The following AGAP3 variants were observed in gnomAD, a reference collection of about 807,000 sequenced individuals.
AGAP3 encodes ArfGAP with GTPase domain, ankyrin repeat and PH domain 3, also known as arf-GAP with GTPase, ANK repeat and PH domain-containing protein 3.
Under a neutral mutation model 96.9 loss-of-function variants are expected in AGAP3, and 24 were observed. The observed-to-expected ratio is 0.25, with a 90% CI of 0.18 to 0.35. AGAP3 has a LOEUF of 0.35. Among genes scored for constraint, AGAP3 ranks in the 10% least tolerant of loss-of-function variants. The pLI, the probability that AGAP3 is intolerant of heterozygous loss-of-function variation, is 1.00. For synonymous variants in AGAP3, 563 were observed against 536.1 expected (o/e 1.05, Z -0.69); for missense variants, 876 against 1,254.2 (o/e 0.70, Z 4.55).
chr7:151,097,691 G>A (rs542349409), intron 1 of AGAP3, among the ~76,000 whole-genome samples: 22 of 151,964 alleles, frequency 1.4e-4, no homozygotes, highest in African/African-American at 4.8e-4. Context: ...AAGTGGGAGC[G>A]ACAGGGAGGG....
At chr7:151,107,621 C>CA (rs544223130) in intron 1 of AGAP3, among the ~76,000 whole-genome samples, 1,572 of 151,522 alleles carry the variant, frequency 0.01, 18 homozygotes, top group African/African-American at 0.032. Flanking sequence ...GAGACCGTCT[C>CA]AAAAAAATTT....
At chr7:151,115,198 C>CGGGCGCGGGTCTGGG in intron 1 of AGAP3, 2 of 1,007,548 alleles carry the variant, frequency 2.0e-6, no homozygotes, top group Non-Finnish European at 2.4e-6. Context: ...GCCGAGGCGC[C>CGGGCGCGGGTCTGGG]GGGCGCGGGT....
chr7:151,101,362 T>C (rs1381743665), intron 1 of AGAP3, among the ~76,000 whole-genome samples: 4 of 152,354 alleles, frequency 2.6e-5, no homozygotes, highest in African/African-American at 9.6e-5. Flanking sequence ...GGTCTCCTTC[T>C]GAGGCGGGTG....
At position 151,123,950 on chromosome 7, in the gene AGAP3, C is replaced by T. The variant is rs1453254176; in HGVS notation, c.1221+64C>T. The T allele has an allele frequency of 4.6e-6, 7 of 1,513,682 alleles. No individual in the cohort carries two copies. In the African/African-American group the frequency reaches 8.2e-5, roughly 18 times the overall value. 93.8% of individuals were successfully genotyped at this position (1,513,682 alleles called of 1,614,324 possible). ...TGAGGCCCAGGAATGTGGCGCTTCCCAGGGCCTCTTCTCAGGCCTCTGTGA... is the reference window on the plus strand; with the variant it reads ...TGAGGCCCAGGAATGTGGCGCTTCCTAGGGCCTCTTCTCAGGCCTCTGTGA... On this transcript the variant is annotated intron_variant, in intron 9 of 17. Coordinates refer to ENST00000397238, the MANE Select transcript of AGAP3 (RefSeq NM_031946.7).
chr7:151,092,029 C>T (rs1315122620), intron 1 of AGAP3, among the ~76,000 whole-genome samples: 3 of 152,014 alleles, frequency 2.0e-5, no homozygotes, highest in Admixed American at 2.0e-4. Context: ...TGGGCAGGAC[C>T]CTGGTGAAGG....
rs1563450285 is a variant in AGAP3, at chr7:151,108,395, C to T, written c.332-8398C>T. 6.6e-6 allele frequency among the ~76,000 whole-genome samples: 1 copy of T among 152,196 alleles called. No homozygotes were observed. The highest frequency in any genetic ancestry group is 6.5e-5 in the Admixed American group (1 of 15,290). On this transcript the variant is annotated intron_variant, in intron 1 of 17. Transcript: ENST00000397238. The surrounding 1 kb of genome is among the most constrained non-coding windows in gnomAD (Gnocchi z 4.2). ...CCCTGGGGTAATCTCAGTTTCCCTG[C>T]TCCTTGCACTGCTCTCGGTCCTGTG...
At position 151,120,184 on chromosome 7, in the gene AGAP3, C is replaced by T. The variant is rs1227249159; in HGVS notation, c.1128+39C>T. On this transcript the variant is annotated intron_variant, in intron 8 of 17. Transcript: ENST00000397238. ...CTCCTCCCCCGCCCAGCTGCCTTTG[C>T]TGCACAGGCAGGGCTGAGCGCCGAG... 6 of 1,563,370 alleles carry T rather than the reference C, an allele frequency of 3.8e-6. No individual in the cohort carries two copies. The East Asian group carries it at 9.0e-5, about 24-fold the overall frequency.
At position 151,144,251 on chromosome 7, in the gene AGAP3, C is replaced by A; in HGVS notation, c.*308C>A. 2.5e-6 allele frequency: 1 copy of A among 392,632 alleles called. No individual in the cohort carries two copies. Among genetic ancestry groups the A allele is most frequent in the Non-Finnish European group, 4.6e-6 (1 of 216,464 alleles). 24.3% of individuals were successfully genotyped at this position (392,632 alleles called of 1,614,324 possible). A position where few individuals can be genotyped will look rare whatever the true frequency, so the allele number is the denominator to read the frequency against. ...CCTCCAGATCCCTGCCTCCTAGTGC[C>A]AGCCCCTCACACGCCTTCATCCTGA... is the stretch of plus-strand genomic sequence containing the variant. On this transcript the variant is annotated 3_prime_UTR_variant, in exon 18 of 18. Coordinates refer to ENST00000397238, the MANE Select transcript of AGAP3 (RefSeq NM_031946.7).
rs779547311 is a variant in AGAP3, at chr7:151,123,797, C to T, written c.1132C>T (p.Arg378Trp). Residue 378 changes from arginine to tryptophan, a missense_variant, in exon 9 of 18, where the codon CGG (arginine) becomes TGG (tryptophan). This residue lies in a region of AGAP3 where 100 missense variants were observed against 129.4 expected (regional missense o/e 0.77). Transcript: ENST00000397238. ...SKRRSNIFTS[R>W]KGADLDREKK... ...CGCCTCTTGTTTTCTCTTCCAGTCT[C>T]GGAAGGGTGCTGACCTGGACCGGGA... 2 of 1,613,204 alleles carry T rather than the reference C, an allele frequency of 1.2e-6. No homozygotes were observed. Among genetic ancestry groups the T allele is most frequent in the Middle Eastern group, 1.7e-4 (1 of 6,058 alleles).
intron 8 of AGAP3, chr7:151,122,619 G>A: frequency 7.5e-7 from 1 of 1,338,544 alleles, no homozygotes. Context: ...TCATCCCGCT[G>A]CCGCCGCTCC....
Position 151,142,346 on chromosome 7 carries a change from C to G in AGAP3, c.2051-66C>G. On this transcript the variant is annotated intron_variant, in intron 15 of 17. Transcript: ENST00000397238. The surrounding 1 kb of genome is among the most constrained non-coding windows in gnomAD (Gnocchi z 7.5). The stretch of plus-strand genomic sequence containing the variant: ...GCAGGGAAGAGGGCAGGGAAGCCTT[C>G]CCTAGTTGTCCCGCGCTCTGGTGGC... 6.3e-7 allele frequency: 1 copy of G among 1,594,588 alleles called. No homozygotes were observed.
chr7:151,087,850 A>G (rs1205772182), intron 1 of AGAP3, among the ~76,000 whole-genome samples: 1 of 152,206 alleles, frequency 6.6e-6, no homozygotes. Flanking sequence ...AGGGCACAGG[A>G]AGTGGTGGCA....
Position 151,096,105 on chromosome 7 carries a change from G to T in AGAP3, c.331+9033G>T, listed in dbSNP as rs1050610734. Among the ~76,000 whole-genome samples the T allele has an allele frequency of 6.6e-6, 1 of 152,240 alleles. No homozygotes were observed. Among genetic ancestry groups the T allele is most frequent in the Admixed American group, 6.5e-5 (1 of 15,290 alleles). Reference sequence around the variant, plus strand: ...GTGAGAAGCAAATCAGTTAACGTCTGCAGAGCTTTTAGAGCAGCAGCTGCC... The same window carrying T: ...GTGAGAAGCAAATCAGTTAACGTCTTCAGAGCTTTTAGAGCAGCAGCTGCC... On this transcript the variant is annotated intron_variant, in intron 1 of 17. Transcript: ENST00000397238. The surrounding 1 kb of genome is among the most constrained non-coding windows in gnomAD (Gnocchi z 4.4).
rs1799131941 is a variant in AGAP3 at position 151,108,081 on chromosome 7, A to G, written c.332-8712A>G. Among the ~76,000 whole-genome samples, 1 of 152,252 alleles carries G rather than the reference A, an allele frequency of 6.6e-6. No homozygotes were observed. Among genetic ancestry groups the G allele is most frequent in the Non-Finnish European group, 1.5e-5 (1 of 68,044 alleles). ...TGCTAGAAAGCAGAGCTAAGCCCAC[A>G]GTTGCTGTTGCTGGTCAGAGCTGGA... On this transcript the variant is annotated intron_variant, in intron 1 of 17. Transcript: ENST00000397238. This position sits in a 1 kb window ranked among gnomAD's most constrained non-coding sequence, Gnocchi z 4.2.
At chr7:151,125,882 G>T (rs1273840090) in intron 9 of AGAP3, among the ~76,000 whole-genome samples, 6 of 152,244 alleles carry the variant, frequency 3.9e-5, no homozygotes, top group African/African-American at 1.4e-4. Context: ...GGGGGCTGTC[G>T]CCTCCGCGCC....
At chr7:151,097,509 C>T (rs1390030312) in intron 1 of AGAP3, among the ~76,000 whole-genome samples, 4 of 135,288 alleles carry the variant, frequency 3.0e-5, no homozygotes, top group Admixed American at 2.3e-4. Context: ...CAGAGTGAGA[C>T]TCTGTCTCAA....
chr7:151,139,562 A>G lies in AGAP3; in HGVS notation c.1667-417A>G, dbSNP rs1341474725. On this transcript the variant is annotated intron_variant, in intron 12 of 17. Transcript: ENST00000397238. This position sits in a 1 kb window ranked among gnomAD's most constrained non-coding sequence, Gnocchi z 4.9. ...AGACGGAGCTTGATTAGCGCGCTCT[A>G]ATTGACAGTAATTAGGCAGCTCCCT... The G allele has an allele frequency of 6.4e-6, 1 of 155,780 alleles. No homozygotes were observed. Among genetic ancestry groups the G allele is most frequent in the Admixed American group, 6.5e-5 (1 of 15,360 alleles). 9.6% of individuals were successfully genotyped at this position (155,780 alleles called of 1,614,324 possible). A position where few individuals can be genotyped will look rare whatever the true frequency, so the allele number is the denominator to read the frequency against.
intron 8 of AGAP3, chr7:151,122,736 T>A (rs1160344957): frequency 6.2e-7 from 1 of 1,613,926 alleles, no homozygotes; most frequent in Non-Finnish European, 8.5e-7. Context: ...TATGTGCCAC[T>A]GTTTCCAACT....
In AGAP3 at chr7:151,142,579, A is replaced by G; in HGVS notation, c.2218A>G (p.Ser740Gly). 6.2e-7 allele frequency: 1 copy of G among 1,613,548 alleles called. No individual in the cohort carries two copies. The highest frequency in any genetic ancestry group is 8.5e-7 in the Non-Finnish European group (1 of 1,180,004). The change falls in exon 16 of 18, where the codon AGC becomes GGC. Residue 740 changes from serine to glycine, a missense_variant. Ser to Gly is a moderately conservative substitution (Grantham distance 56). This residue lies in a region of AGAP3 where 213 missense variants were observed against 253.8 expected (regional missense o/e 0.84). Coordinates refer to ENST00000397238, the MANE Select transcript of AGAP3 (RefSeq NM_031946.7). The surrounding 1 kb of genome is among the most constrained non-coding windows in gnomAD (Gnocchi z 7.5). ...MTAMGNALAN[S>G]VWEGALGGYS... Reference sequence around the variant, plus strand: ...TGCCATGGGCAATGCCCTCGCCAACAGCGTCTGGGAGGGGGCCTTGGGTGG... The same window carrying G: ...TGCCATGGGCAATGCCCTCGCCAACGGCGTCTGGGAGGGGGCCTTGGGTGG...
Sources: gnomAD v4.1 joint callset for allele counts (sites outside exome capture counted in the v4.1 genomes callset) on GRCh38, gnomAD v4.1.1 for gene constraint, gnomAD v4.1.1 regional missense constraint, Gnocchi (gnomAD v3.1) non-coding constraint, MANE v1.5 for transcripts, NCBI Gene and HGNC (gene_info 2026-07-23, HGNC 2026-07-21) for gene names.